The following CACNA2D2 variants were observed in gnomAD, a reference collection of about 807,000 sequenced individuals.
The protein encoded by CACNA2D2 is voltage-dependent calcium channel subunit alpha-2/delta-2.
Under a neutral mutation model 166.4 loss-of-function variants are expected in CACNA2D2, and 48 were observed. The observed-to-expected ratio is 0.29, with a 90% CI of 0.23 to 0.37. The LOEUF (loss-of-function observed/expected upper bound fraction) is 0.37. CACNA2D2 is among the 10% of genes least tolerant of loss of function. The pLI is 1.00. For missense variants in CACNA2D2, 1,122 were observed against 1,433.0 expected (o/e 0.78, Z 3.50); for synonymous variants, 561 against 573.7 (o/e 0.98, Z 0.32).
In CACNA2D2 at chr3:50,503,276, G is replaced by A; in HGVS notation, c.148C>T (p.Leu50Phe). The A allele has an allele frequency of 8.5e-7, 1 of 1,173,506 alleles. No homozygotes were observed. The highest frequency in any genetic ancestry group is 1.1e-6 in the Non-Finnish European group (1 of 945,296). The allele number at this position is 1,173,506 out of a possible 1,614,324, so 72.7% of individuals were successfully genotyped here. A position where few individuals can be genotyped will look rare whatever the true frequency, so the allele number is the denominator to read the frequency against. Residue 50 changes from leucine to phenylalanine, a missense_variant, in exon 1 of 38, where the codon CTT becomes TTT. Around this residue, in one of 2 missense-constraint regions of CACNA2D2, gnomAD observed 840 missense variants for 1,166.8 expected, o/e 0.72. Transcript: ENST00000424201. The stretch of plus-strand genomic sequence containing the variant: ...CCGGGGGCGGCGAGCAGCGGTAGAA[G>A]CGGCAGCAGCAGCCACAGCGGGCGC... ...PPRPLWLLLP[L>F]LPLLAAPGAS... is the part of the protein sequence containing the mutation.
intron 13 of CACNA2D2, 45 bp downstream of exon 13, chr3:50,378,870 A>G: frequency 6.2e-7 from 1 of 1,609,790 alleles, no homozygotes; most frequent in Non-Finnish European, 8.5e-7. Context: ...ATCGACAAAA[A>G]GAAATGGCAG....
At position 50,364,701 on chromosome 3, in the gene CACNA2D2, G is replaced by C; in HGVS notation, c.3397C>G (p.Pro1133Ala). 6.5e-7 allele frequency: 1 copy of C among 1,544,606 alleles called. No individual in the cohort carries two copies. ...CGAGAGGCGTGGACGAGGACTTGAG[G>C]CTGCGGCCGGGGCGGCAGGCCCAGG... ...LLLGLPPRPQPQVLVHASRRL is the reference protein window; with the variant it reads ...LLLGLPPRPQAQVLVHASRRL The change falls in exon 38 of 38, where the codon CCT (proline) becomes GCT (alanine). Residue 1133 changes from proline to alanine, a missense_variant. Transcript: ENST00000424201.
chr3:50,490,839 A>G lies in CACNA2D2; in HGVS notation c.206+12379T>C, dbSNP rs1346868191. Among the ~76,000 whole-genome samples the G allele has an allele frequency of 5.9e-5, 9 of 152,192 alleles. No individual in the cohort carries two copies. In the East Asian group the frequency reaches 1.7e-3, roughly 29 times the overall value. The stretch of plus-strand genomic sequence containing the variant: ...CAGCAAGGTCTATTTCAGGACAAGA[A>G]TAGGGAGGACAGGGGCTTGAAGCAG... On this transcript the variant is annotated intron_variant, in intron 1 of 37. Transcript: ENST00000424201.
chr3:50,476,109 C>T lies in CACNA2D2; in HGVS notation c.288+9G>A, dbSNP rs574453980. 29 of 1,591,012 alleles carry T rather than the reference C, an allele frequency of 1.8e-5. No homozygotes were observed. Among genetic ancestry groups the T allele is most frequent in the East Asian group, 4.5e-5 (2 of 43,970 alleles). Reference sequence around the variant, plus strand: ...TCCCTGAAGAGACAGCAAGTGGCACCGGGCTCACCTCACGGAGCTGCTGGA... The same window carrying T: ...TCCCTGAAGAGACAGCAAGTGGCACTGGGCTCACCTCACGGAGCTGCTGGA... On this transcript the variant is annotated intron_variant, in intron 2 of 37. Coordinates refer to ENST00000424201, the MANE Select transcript of CACNA2D2 (RefSeq NM_006030.4).
At chr3:50,398,641 G>T (rs1438319573) in intron 3 of CACNA2D2, among the ~76,000 whole-genome samples, 1 of 152,142 alleles carries the variant, frequency 6.6e-6, no homozygotes, top group Non-Finnish European at 1.5e-5. Context: ...CATCCTGGGG[G>T]GTAAGGGCTG....
intron 3 of CACNA2D2, among the ~76,000 whole-genome samples, chr3:50,407,579 C>G (rs1034526229): frequency 6.6e-6 from 1 of 152,194 alleles, no homozygotes. Flanking sequence ...CCACAGTACC[C>G]CATGGGGCAG....
At chr3:50,396,335 C>G (rs974829102) in intron 3 of CACNA2D2, among the ~76,000 whole-genome samples, 3 of 152,184 alleles carry the variant, frequency 2.0e-5, no homozygotes, top group African/African-American at 7.2e-5. Context: ...CACCTATTCT[C>G]CACACAACAC....
Position 50,366,846 on chromosome 3 carries a change from T to G in CACNA2D2, c.2574A>C (p.Gln858His). Residue 858 changes from glutamine (Q) to histidine (H), a missense_variant, in exon 29 of 38, where the codon CAA becomes CAC. This residue lies in a region of CACNA2D2 where 840 missense variants were observed against 1,166.8 expected (regional missense o/e 0.72). Coordinates refer to ENST00000424201, the MANE Select transcript of CACNA2D2 (RefSeq NM_006030.4). This position sits in a 1 kb window ranked among gnomAD's most constrained non-coding sequence, Gnocchi z 5.9. ...FKVLASNRTH[Q>H]DQPQKCGPNS... is the part of the protein sequence containing the mutation. Reference sequence around the variant, plus strand: ...GCCCAAATACCTTCTGAGGCTGGTCTTGGTGGGTACGGTTGCTGGCTAGCA... The same window carrying G: ...GCCCAAATACCTTCTGAGGCTGGTCGTGGTGGGTACGGTTGCTGGCTAGCA... The G allele has an allele frequency of 6.2e-7, 1 of 1,613,580 alleles. No homozygotes were observed. Among genetic ancestry groups the G allele is most frequent in the Non-Finnish European group, 8.5e-7 (1 of 1,179,994 alleles).
chr3:50,420,598 G>A (rs573334120), intron 3 of CACNA2D2, among the ~76,000 whole-genome samples: 3 of 152,326 alleles, frequency 2.0e-5, no homozygotes, highest in Non-Finnish European at 2.9e-5. Flanking sequence ...CCTGAGAGAT[G>A]AACCAAACCT....
chr3:50,480,675 A>G, intron 1 of CACNA2D2, among the ~76,000 whole-genome samples: 1 of 150,164 alleles, frequency 6.7e-6, no homozygotes. Context: ...TGGGGTGAGA[A>G]GCTGCAGCTG....
intron 3 of CACNA2D2, among the ~76,000 whole-genome samples, chr3:50,429,922 A>C (rs1234495571): frequency 1.3e-5 from 2 of 152,018 alleles, no homozygotes; most frequent in Non-Finnish European, 2.9e-5. Flanking sequence ...TAATTTTAGA[A>C]GCTCCTTAGA....
chr3:50,368,266 C>T (rs776128096), intron 23 of CACNA2D2, 31 bp from the exon 24 acceptor site: 1 of 1,397,188 alleles, frequency 7.2e-7, no homozygotes, highest in Non-Finnish European at 1.0e-6. Context: ...GAAGAGTGGG[C>T]TTGGGGGGCT....
chr3:50,489,800 G>A (rs1409939647), intron 1 of CACNA2D2, among the ~76,000 whole-genome samples: 2 of 151,748 alleles, frequency 1.3e-5, no homozygotes, highest in Non-Finnish European at 2.9e-5. Flanking sequence ...CCAGGGCCAT[G>A]GGAATGGCAG....
intron 2 of CACNA2D2, among the ~76,000 whole-genome samples, chr3:50,441,541 T>G (rs1334635491): frequency 6.6e-6 from 1 of 152,238 alleles, no homozygotes; most frequent in East Asian, 1.9e-4. Flanking sequence ...TGTGCCAACC[T>G]CCCTGTGCTT....
intron 2 of CACNA2D2, among the ~76,000 whole-genome samples, chr3:50,466,165 C>A (rs1475772805): frequency 6.6e-6 from 1 of 152,162 alleles, no homozygotes; most frequent in Non-Finnish European, 1.5e-5. Flanking sequence ...CCCCAGGATG[C>A]ACCCCCAACC....
At chr3:50,414,466 C>G (rs1453807273) in intron 3 of CACNA2D2, among the ~76,000 whole-genome samples, 1 of 152,182 alleles carries the variant, frequency 6.6e-6, no homozygotes, top group Admixed American at 6.5e-5. Context: ...AAGAGCAGAC[C>G]CTGCTGCCTC....
In CACNA2D2 at chr3:50,487,501, C is replaced by T. The variant is rs147520919; in HGVS notation, c.207-11302G>A. Among the ~76,000 whole-genome samples, 48 of 152,318 alleles carry T rather than the reference C, an allele frequency of 3.2e-4. No homozygotes were observed. The East Asian group carries it at 8.1e-3, about 26-fold the overall frequency. Reference sequence around the variant, plus strand: ...TGCTAGTGCCTGGACCCTTAGAGTGCGCCAAGCTGTATGTAAATGGAATGT... The same window carrying T: ...TGCTAGTGCCTGGACCCTTAGAGTGTGCCAAGCTGTATGTAAATGGAATGT... On this transcript the variant is annotated intron_variant, in intron 1 of 37. Coordinates refer to ENST00000424201, the MANE Select transcript of CACNA2D2 (RefSeq NM_006030.4).
Position 50,364,531 on chromosome 3 carries a change from C to T in CACNA2D2, c.*135G>A, listed in dbSNP as rs1704102288. 1 of 1,130,142 alleles carries T rather than the reference C, an allele frequency of 8.8e-7. No homozygotes were observed. The highest frequency in any genetic ancestry group is 1.2e-6 in the Non-Finnish European group (1 of 822,988). The allele number at this position is 1,130,142 out of a possible 1,614,324, so 70.0% of individuals were successfully genotyped here. ...TCCCCATCCCAAGGCGCAGACCAGA[C>T]TCTCAGGGCCTGGCCAGCTCAGGTC... is the stretch of plus-strand genomic sequence containing the variant. On this transcript the variant is annotated 3_prime_UTR_variant, in exon 38 of 38. Coordinates refer to ENST00000424201, the MANE Select transcript of CACNA2D2 (RefSeq NM_006030.4).
chr3:50,364,675 G>T lies in CACNA2D2; in HGVS notation c.3423C>A (p.Arg1141=), dbSNP rs1301099289. 1 of 1,530,144 alleles carries T rather than the reference G, an allele frequency of 6.5e-7. No individual in the cohort carries two copies. The highest frequency in any genetic ancestry group is 2.1e-5 in the Admixed American group (1 of 47,428). The allele number at this position is 1,530,144 out of a possible 1,614,324, so 94.8% of individuals were successfully genotyped here. The change falls in exon 38 of 38, where the codon CGC becomes CGA. Residue 1141 remains arginine (R), a synonymous_variant. Coordinates refer to ENST00000424201, the MANE Select transcript of CACNA2D2 (RefSeq NM_006030.4). ...PQPQVLVHAS[R]RL is the part of the protein sequence containing the mutation. ...GGGTGGGGCAGGGTGCTCAGAGGCG[G>T]CGAGAGGCGTGGACGAGGACTTGAG...
Sources: gnomAD v4.1 joint callset for allele counts (sites outside exome capture counted in the v4.1 genomes callset) on GRCh38, gnomAD v4.1.1 for gene constraint, gnomAD v4.1.1 regional missense constraint, Gnocchi (gnomAD v3.1) non-coding constraint, MANE v1.5 for transcripts, NCBI Gene and HGNC (gene_info 2026-07-23, HGNC 2026-07-21) for gene names.